The following CRYBG3 variants were observed in gnomAD, a reference collection of about 807,000 sequenced individuals.
CRYBG3 encodes the protein very large A-kinase anchor protein.
Under a neutral mutation model 244.2 loss-of-function variants are expected in CRYBG3, and 127 were observed. The observed-to-expected ratio is 0.52, with a 90% CI of 0.45 to 0.60. CRYBG3 has a LOEUF of 0.60. CRYBG3 is among the 20% of genes least tolerant of loss of function. The probability of loss-of-function intolerance (pLI) is 0.00; values close to 1 mark genes in which losing one functional copy is unlikely to be tolerated. For missense variants in CRYBG3, 3,325 were observed against 3,442.5 expected (o/e 0.97, Z 0.85); for synonymous variants, 1,132 against 1,195.8 (o/e 0.95, Z 1.10).
chr3:97,842,390 C>T (rs2038832527), intron 1 of CRYBG3, among the ~76,000 whole-genome samples: 1 of 151,448 alleles, frequency 6.6e-6, no homozygotes, highest in Admixed American at 6.6e-5. Flanking sequence ...TAGTTGAGAC[C>T]CCCATCTCTA....
At chr3:97,903,857 T>A (rs2039733252) in intron 15 of CRYBG3, among the ~76,000 whole-genome samples, 2 of 152,156 alleles carry the variant, frequency 1.3e-5, no homozygotes, top group Non-Finnish European at 1.5e-5. Flanking sequence ...ATAATACATG[T>A]GAAAAGCAAA....
chr3:97,895,884 T>C (rs1404725924), intron 11 of CRYBG3, 75 bp from the exon 12 acceptor site: 2 of 1,391,254 alleles, frequency 1.4e-6, no homozygotes, highest in East Asian at 2.3e-5. Context: ...ATGAGCTTTA[T>C]CTTGATTGTC....
chr3:97,839,586 G>A (rs1297247486), intron 1 of CRYBG3, among the ~76,000 whole-genome samples: 1 of 151,948 alleles, frequency 6.6e-6, no homozygotes, highest in Non-Finnish European at 1.5e-5. Context: ...TAATTATATT[G>A]TTCCCAATGT....
At chr3:97,882,622 A>G (rs1478068883) in intron 7 of CRYBG3, among the ~76,000 whole-genome samples, 2 of 152,194 alleles carry the variant, frequency 1.3e-5, no homozygotes, top group African/African-American at 2.4e-5. Context: ...TATGTGATAC[A>G]GTACAGTTAC....
At chr3:97,923,573 T>TA (rs1020817915) in intron 17 of CRYBG3, among the ~76,000 whole-genome samples, 30 of 150,270 alleles carry the variant, frequency 2.0e-4, no homozygotes, top group East Asian at 1.8e-3. Context: ...TTCTATCTAA[T>TA]AAAAAAAAAT....
intron 1 of CRYBG3, among the ~76,000 whole-genome samples, chr3:97,840,501 G>T (rs748675500): frequency 6.6e-6 from 1 of 152,014 alleles, no homozygotes; most frequent in Non-Finnish European, 1.5e-5. Context: ...TACTTAATGT[G>T]CTGATTTACT....
chr3:97,877,709 C>T lies in CRYBG3; in HGVS notation c.6515C>T (p.Thr2172Ile). 6.2e-7 allele frequency: 1 copy of T among 1,613,956 alleles called. No individual in the cohort carries two copies. Among genetic ancestry groups the T allele is most frequent in the South Asian group, 1.1e-5 (1 of 91,072 alleles). ...DLRAGSGERV[T>I]FQLPDPSITF... The stretch of plus-strand genomic sequence containing the variant: ...AGAGCTGGAAGTGGGGAGCGTGTTA[C>T]CTTCCAGTTGCCAGATCCTTCCATC... The change falls in exon 4 of 22, where the codon ACC becomes ATC. Residue 2172 changes from threonine to isoleucine, a missense_variant. Physicochemically the swap from Thr to Ile is moderately conservative, Grantham distance 89. Coordinates refer to ENST00000389622, the MANE Select transcript of CRYBG3 (RefSeq NM_153605.4).
At chr3:97,922,459 C>G (rs1361016440) in intron 17 of CRYBG3, among the ~76,000 whole-genome samples, 2 of 152,218 alleles carry the variant, frequency 1.3e-5, no homozygotes, top group South Asian at 4.2e-4. Context: ...GGCTAATATC[C>G]AGAATCTACA....
In CRYBG3 at chr3:97,906,062, C is replaced by T. The variant is rs1352824721; in HGVS notation, c.8004+5577C>T. On this transcript the variant is annotated intron_variant, in intron 15 of 21. Transcript: ENST00000389622. ...CAAAGATCAGATAGTTGTAGATATG[C>T]GGCGTTATTTCTGAGGGCTCTGTTC... 1.2e-3 allele frequency among the ~76,000 whole-genome samples: 179 copies of T among 143,834 alleles called. 1 individual carries two copies. The highest frequency in any genetic ancestry group is 6.6e-4 in the Non-Finnish European group (43 of 65,150). 94.4% of individuals were successfully genotyped at this position (143,834 alleles called of 152,430 possible). A position where few individuals can be genotyped will look rare whatever the true frequency, so the allele number is the denominator to read the frequency against.
Position 97,875,421 on chromosome 3 carries a change from T to C in CRYBG3, c.4227T>C (p.Asn1409=). The change falls in exon 4 of 22, where the codon AAT becomes AAC. Residue 1409 remains asparagine, a synonymous_variant. Coordinates refer to ENST00000389622, the MANE Select transcript of CRYBG3 (RefSeq NM_153605.4). The stretch of plus-strand genomic sequence containing the variant: ...ACCAAAAATCCCTATTTTCTGGAAA[T>C]GGATCTGGACTGTCTGATAGTATAA... ...VLYQKSLFSG[N]GSGLSDSINL... The C allele has an allele frequency of 7.1e-7, 1 of 1,412,560 alleles. No individual in the cohort carries two copies. The highest frequency in any genetic ancestry group is 1.6e-5 in the South Asian group (1 of 60,742). The allele number at this position is 1,412,560 out of a possible 1,614,324, so 87.5% of individuals were successfully genotyped here.
At chr3:97,922,665 G>A (rs1284796603) in intron 17 of CRYBG3, among the ~76,000 whole-genome samples, 11 of 152,074 alleles carry the variant, frequency 7.2e-5, no homozygotes, top group Non-Finnish European at 1.5e-4. Context: ...TTAGAATGAC[G>A]ATCATTAAAA....
intron 1 of CRYBG3, among the ~76,000 whole-genome samples, chr3:97,826,564 T>G (rs1166639430): frequency 6.6e-6 from 1 of 152,178 alleles, no homozygotes. Flanking sequence ...TACCAATTAT[T>G]AAATAAAATG....
At chr3:97,891,688 A>G (rs904921717) in intron 10 of CRYBG3, among the ~76,000 whole-genome samples, 5 of 151,968 alleles carry the variant, frequency 3.3e-5, no homozygotes, top group Non-Finnish European at 4.4e-5. Flanking sequence ...AGTTTTTGTT[A>G]AGATTAGGGG....
chr3:97,883,268 C>G (rs1203588216), intron 7 of CRYBG3, among the ~76,000 whole-genome samples: 6 of 152,136 alleles, frequency 3.9e-5, no homozygotes, highest in African/African-American at 1.4e-4. Flanking sequence ...AAAGATTTAA[C>G]TGTAGTCAGT....
Position 97,873,631 on chromosome 3 carries a change from G to T in CRYBG3, c.2437G>T (p.Val813Leu), listed in dbSNP as rs2039332737. The change falls in exon 4 of 22, where the codon GTA becomes TTA. Residue 813 changes from valine to leucine, a missense_variant. By Grantham distance (32) the Val-to-Leu change is conservative (BLOSUM62 1). Transcript: ENST00000389622. ...CTTGGAAGCCAAAACTGCTAACATT[G>T]TATCAAAAGCTGAAATTGATGGTCA... ...LSLEAKTANIVSKAEIDGQNN... is the reference protein window; with the variant it reads ...LSLEAKTANILSKAEIDGQNN... 1 of 1,534,544 alleles carries T rather than the reference G, an allele frequency of 6.5e-7. No homozygotes were observed. Among genetic ancestry groups the T allele is most frequent in the East Asian group, 2.4e-5 (1 of 40,908 alleles).
chr3:97,851,734 C>G (rs2038988470), intron 2 of CRYBG3, among the ~76,000 whole-genome samples: 1 of 152,122 alleles, frequency 6.6e-6, no homozygotes, highest in African/African-American at 2.4e-5. Flanking sequence ...CTATATCCAC[C>G]AAGACCTTGA....
intron 1 of CRYBG3, among the ~76,000 whole-genome samples, chr3:97,841,913 T>C (rs9869973): frequency 0.46 from 69,864 of 151,976 alleles, 16,858 homozygotes; most frequent in East Asian, 0.67. Context: ...ACAAATAAAA[T>C]TTGGTTTTCA....
chr3:97,870,559 T>C (rs1268641610), intron 3 of CRYBG3, among the ~76,000 whole-genome samples: 2 of 152,210 alleles, frequency 1.3e-5, no homozygotes, highest in African/African-American at 2.4e-5. Context: ...CTAGGTTGAT[T>C]TCATGTTTTT....
chr3:97,910,222 A>C (rs1451795499), intron 15 of CRYBG3, among the ~76,000 whole-genome samples: 4 of 152,000 alleles, frequency 2.6e-5, no homozygotes, highest in African/African-American at 4.8e-5. Context: ...CCCTGCCCCC[A>C]GAGGTGGAGC....
Sources: gnomAD v4.1 joint callset for allele counts (sites outside exome capture counted in the v4.1 genomes callset) on GRCh38, gnomAD v4.1.1 for gene constraint, MANE v1.5 for transcripts, NCBI Gene and HGNC (gene_info 2026-07-23, HGNC 2026-07-21) for gene names.